CAMTA1: variants seen among roughly 807,000 people sequenced by gnomAD.
The protein encoded by CAMTA1 is calmodulin-binding transcription activator 1.
A neutral mutation model predicts 170.9 loss-of-function variants in CAMTA1; 27 were observed. The ratio of observed to expected loss-of-function variants is 0.16; its 90% CI spans 0.12 to 0.22. CAMTA1 has a LOEUF of 0.22. Ranked by LOEUF, CAMTA1 falls within the 10% of genes least tolerant of loss-of-function variation. CAMTA1 has a pLI of 1.00. For missense variants in CAMTA1, 1,619 were observed against 2,217.2 expected (o/e 0.73, Z 5.42); for synonymous variants, 833 against 891.5 (o/e 0.93, Z 1.17).
At chr1:6,975,338 C>T (rs554865964) in intron 3 of CAMTA1, among the ~76,000 whole-genome samples, 4 of 152,144 alleles carry the variant, frequency 2.6e-5, no homozygotes, top group Non-Finnish European at 5.9e-5. Context: ...GCATGGTTAG[C>T]GTCACTGCAT....
At position 6,940,575 on chromosome 1, in the gene CAMTA1, A is replaced by G. The variant is rs1004477717; in HGVS notation, c.234+115365A>G. On this transcript the variant is annotated intron_variant, in intron 3 of 22. Transcript: ENST00000303635. Reference sequence around the variant, plus strand: ...CCAGTCAAGCTGACACCTAAAATGAACCATCACAGAGTCCCTCCTGGGGAC... The same window carrying G: ...CCAGTCAAGCTGACACCTAAAATGAGCCATCACAGAGTCCCTCCTGGGGAC... Among the ~76,000 whole-genome samples, 10 of 152,270 alleles carry G rather than the reference A, an allele frequency of 6.6e-5. No homozygotes were observed. The East Asian group carries it at 7.7e-4, about 12-fold the overall frequency.
At chr1:6,945,372 G>A (rs1687396827) in intron 3 of CAMTA1, among the ~76,000 whole-genome samples, 2 of 151,836 alleles carry the variant, frequency 1.3e-5, no homozygotes, top group African/African-American at 2.4e-5. Flanking sequence ...TTTTGTGTGT[G>A]TGTGACAGGG....
chr1:7,297,985 C>G (rs986365348), intron 5 of CAMTA1, among the ~76,000 whole-genome samples: 1 of 152,246 alleles, frequency 6.6e-6, no homozygotes, highest in African/African-American at 2.4e-5. Context: ...TATACCAGCT[C>G]ATCACCCTTG....
At chr1:7,304,812 C>T (rs1376443496) in intron 5 of CAMTA1, among the ~76,000 whole-genome samples, 1 of 151,716 alleles carries the variant, frequency 6.6e-6, no homozygotes, top group Non-Finnish European at 1.5e-5. Flanking sequence ...TTTCTCAGCT[C>T]ATAACTTGAT....
intron 6 of CAMTA1, among the ~76,000 whole-genome samples, chr1:7,548,691 C>T (rs1450886881): frequency 9.0e-5 from 11 of 122,424 alleles, no homozygotes; most frequent in South Asian, 6.7e-4. Context: ...GAAGGTGCCC[C>T]CTTAGGGGTG....
At position 7,585,557 on chromosome 1, in the gene CAMTA1, G is replaced by T. The variant is rs2095302015; in HGVS notation, c.511-54843G>T. Reference sequence around the variant, plus strand: ...CCCATGGGCATTGTAAGGACTTGGGGTTTCACCGTGAGTGTGGAGGGGAGC... The same window carrying T: ...CCCATGGGCATTGTAAGGACTTGGGTTTTCACCGTGAGTGTGGAGGGGAGC... On this transcript the variant is annotated intron_variant, in intron 6 of 22. Coordinates refer to ENST00000303635, the MANE Select transcript of CAMTA1 (RefSeq NM_015215.4). The surrounding 1 kb of genome is among the most constrained non-coding windows in gnomAD (Gnocchi z 4.8). 6.6e-6 allele frequency among the ~76,000 whole-genome samples: 1 copy of T among 152,182 alleles called. No individual in the cohort carries two copies. The highest frequency in any genetic ancestry group is 1.5e-5 in the Non-Finnish European group (1 of 68,030).
At chr1:7,490,629 G>T (rs574284017) in intron 6 of CAMTA1, among the ~76,000 whole-genome samples, 3 of 150,482 alleles carry the variant, frequency 2.0e-5, no homozygotes, top group Non-Finnish European at 2.9e-5. Context: ...TCCAGCCTGG[G>T]TGACGAGAGC....
At chr1:7,499,649 GTGTA>G (rs928729590) in intron 6 of CAMTA1, among the ~76,000 whole-genome samples, 5 of 144,770 alleles carry the variant, frequency 3.5e-5, no homozygotes, top group Admixed American at 6.8e-5. Flanking sequence ...GTGAGTGCAT[GTGTA>G]TGTGAGTGTG....
At chr1:7,049,573 C>G (rs1195207544) in intron 3 of CAMTA1, among the ~76,000 whole-genome samples, 1 of 152,150 alleles carries the variant, frequency 6.6e-6, no homozygotes, top group East Asian at 1.9e-4. Flanking sequence ...TCTTCTGACT[C>G]AGCCTCCTGA....
chr1:7,601,784 T>A (rs1351899221), intron 6 of CAMTA1, among the ~76,000 whole-genome samples: 3 of 152,016 alleles, frequency 2.0e-5, no homozygotes, highest in African/African-American at 4.8e-5. Context: ...ACCAAAAAAA[T>A]ACGAAAACCA....
intron 3 of CAMTA1, among the ~76,000 whole-genome samples, chr1:7,003,387 T>C (rs1387726371): frequency 6.6e-6 from 1 of 152,236 alleles, no homozygotes. Flanking sequence ...TTCTGCTCTG[T>C]CAATGTAGAG....
chr1:7,185,769 G>A (rs1653128143), intron 4 of CAMTA1, among the ~76,000 whole-genome samples: 1 of 152,144 alleles, frequency 6.6e-6, no homozygotes, highest in Non-Finnish European at 1.5e-5. Flanking sequence ...CTAATTATGA[G>A]GAAACATTTG....
At chr1:7,414,874 C>T (rs925241816) in intron 5 of CAMTA1, among the ~76,000 whole-genome samples, 15 of 152,022 alleles carry the variant, frequency 9.9e-5, no homozygotes, top group African/African-American at 3.1e-4. Flanking sequence ...TGGATCTTTC[C>T]TGCTTTCTTC....
intron 3 of CAMTA1, among the ~76,000 whole-genome samples, chr1:7,030,788 A>G (rs529913105): frequency 6.6e-6 from 1 of 152,028 alleles, no homozygotes; most frequent in Admixed American, 6.6e-5. Flanking sequence ...TACAAATGTC[A>G]ACTAGGTCAA....
At chr1:7,384,637 C>G (rs547997553) in intron 5 of CAMTA1, among the ~76,000 whole-genome samples, 1 of 152,202 alleles carries the variant, frequency 6.6e-6, no homozygotes, top group Non-Finnish European at 1.5e-5. Context: ...GCCATTTTGT[C>G]ACTCTTAATT....
At chr1:6,823,363 C>G (rs1025256829) in intron 2 of CAMTA1, among the ~76,000 whole-genome samples, 5 of 152,104 alleles carry the variant, frequency 3.3e-5, no homozygotes, top group African/African-American at 1.2e-4. Flanking sequence ...TTTAGTTGAA[C>G]AGTTTCCTTT....
intron 3 of CAMTA1, among the ~76,000 whole-genome samples, chr1:6,831,097 C>T (rs950994727): frequency 1.3e-5 from 2 of 152,116 alleles, no homozygotes; most frequent in East Asian, 1.9e-4. Flanking sequence ...GGATTACGGA[C>T]GTGAGCCATC....
At chr1:6,839,410 C>G (rs1654754086) in intron 3 of CAMTA1, among the ~76,000 whole-genome samples, 1 of 152,000 alleles carries the variant, frequency 6.6e-6, no homozygotes, top group Non-Finnish European at 1.5e-5. Context: ...ACAAAAAACC[C>G]CCCCAAAATT....
Position 7,492,758 on chromosome 1 carries a change from C to A in CAMTA1, c.510+24857C>A, listed in dbSNP as rs1288967499. 3.8e-4 allele frequency among the ~76,000 whole-genome samples: 52 copies of A among 136,398 alleles called. 1 individual carries two copies. In the East Asian group the frequency reaches 0.011, roughly 28 times the overall value. The allele number at this position is 136,398 out of a possible 152,430, so 89.5% of individuals were successfully genotyped here. ...ATACACACACGCGCGCACACACACA[C>A]AAACCTACATACACAAGTGCACACA... On this transcript the variant is annotated intron_variant, in intron 6 of 22. Coordinates refer to ENST00000303635, the MANE Select transcript of CAMTA1 (RefSeq NM_015215.4).
Sources: gnomAD v4.1 joint callset for allele counts (sites outside exome capture counted in the v4.1 genomes callset) on GRCh38, gnomAD v4.1.1 for gene constraint, Gnocchi (gnomAD v3.1) non-coding constraint, MANE v1.5 for transcripts, NCBI Gene and HGNC (gene_info 2026-07-23, HGNC 2026-07-21) for gene names.